SOX5: variants seen among roughly 807,000 people sequenced by gnomAD.
The protein encoded by SOX5 is SRY-box transcription factor 5, also known as transcription factor SOX-5.
Under a neutral mutation model 92.0 loss-of-function variants are expected in SOX5, and 9 were observed. The ratio of observed to expected loss-of-function variants is 0.10; its 90% CI spans 0.06 to 0.17. The LOEUF is 0.17. Among genes scored for constraint, SOX5 ranks in the 10% least tolerant of loss-of-function variants. The probability of loss-of-function intolerance (pLI) is 1.00; values close to 1 mark genes in which losing one functional copy is unlikely to be tolerated. For missense variants in SOX5, 642 were observed against 944.5 expected (o/e 0.68, Z 4.20); for synonymous variants, 344 against 336.3 (o/e 1.02, Z -0.25).
At chr12:24,144,337 T>C (rs546990486) in intron 4 of SOX5, among the ~76,000 whole-genome samples, 2 of 152,094 alleles carry the variant, frequency 1.3e-5, no homozygotes, top group Non-Finnish European at 2.9e-5. Flanking sequence ...ACATACCAAA[T>C]GAAAATAGGG....
intron 2 of SOX5, among the ~76,000 whole-genome samples, chr12:24,355,306 T>TAA (rs1331333137): frequency 1.5e-5 from 1 of 67,328 alleles, no homozygotes; most frequent in Non-Finnish European, 4.2e-5. Flanking sequence ...TTTTTTTTTT[T>TAA]TTTTTTTTTT....
intron 1 of SOX5, among the ~76,000 whole-genome samples, chr12:24,412,180 T>A (rs1268801887): frequency 2.0e-5 from 3 of 152,204 alleles, no homozygotes; most frequent in Non-Finnish European, 4.4e-5. Flanking sequence ...ACTTGTGTTT[T>A]TTCTGTTTTT....
chr12:24,102,845 G>C (rs974689561), intron 4 of SOX5, among the ~76,000 whole-genome samples: 1 of 152,202 alleles, frequency 6.6e-6, no homozygotes, highest in Non-Finnish European at 1.5e-5. Context: ...TATTATGTTA[G>C]AGACTCTAAT....
At chr12:24,266,291 C>CAT (rs1943014536) in intron 3 of SOX5, among the ~76,000 whole-genome samples, 1 of 152,078 alleles carries the variant, frequency 6.6e-6, no homozygotes, top group African/African-American at 2.4e-5. Flanking sequence ...TATAAACGTG[C>CAT]ATATATGTAT....
intron 4 of SOX5, among the ~76,000 whole-genome samples, chr12:24,153,965 A>G (rs1951913001): frequency 6.6e-6 from 1 of 152,128 alleles, no homozygotes; most frequent in Non-Finnish European, 1.5e-5. Flanking sequence ...GTCTCTCTCT[A>G]GAAGTAAATT....
intron 1 of SOX5, among the ~76,000 whole-genome samples, chr12:24,484,812 C>T (rs1474929130): frequency 1.3e-5 from 2 of 152,102 alleles, no homozygotes; most frequent in African/African-American, 2.4e-5. Flanking sequence ...TTCTTCTCAA[C>T]CCCTGTTTTG....
intron 6 of SOX5, among the ~76,000 whole-genome samples, chr12:23,687,812 G>A (rs1314250559): frequency 6.6e-6 from 1 of 151,638 alleles, no homozygotes; most frequent in South Asian, 2.1e-4. Flanking sequence ...CTCTACAATG[G>A]CTGCAACGAA....
At chr12:24,552,750 A>G (rs542237250) in intron 1 of SOX5, among the ~76,000 whole-genome samples, 3 of 152,362 alleles carry the variant, frequency 2.0e-5, no homozygotes, top group African/African-American at 4.8e-5. Flanking sequence ...CTGTAATCCC[A>G]ACACTTTGGG....
At chr12:23,996,530 A>T (rs562666164) in intron 4 of SOX5, among the ~76,000 whole-genome samples, 2 of 152,356 alleles carry the variant, frequency 1.3e-5, no homozygotes, top group South Asian at 4.1e-4. Flanking sequence ...AGCACTATTC[A>T]TAATAGACAA....
intron 4 of SOX5, among the ~76,000 whole-genome samples, chr12:24,157,977 G>T (rs898439394): frequency 6.6e-6 from 1 of 151,950 alleles, no homozygotes; most frequent in Non-Finnish European, 1.5e-5. Flanking sequence ...CTATTTCAGA[G>T]TACCTCATTT....
chr12:24,266,034 ATG>A (rs59696898), intron 3 of SOX5, among the ~76,000 whole-genome samples: 20,770 of 127,132 alleles, frequency 0.16, 1,690 homozygotes, highest in Non-Finnish European at 0.21. Context: ...ATGCCAGCTA[ATG>A]TGTGTGTGTG....
At chr12:23,868,602 AACTT>A (rs2136678173) in intron 2 of SOX5, among the ~76,000 whole-genome samples, 1 of 152,228 alleles carries the variant, frequency 6.6e-6, no homozygotes, top group East Asian at 1.9e-4. Flanking sequence ...TAATTCACAG[AACTT>A]ACTTGACAAT....
At chr12:23,574,238 A>G (rs1387722380) in intron 10 of SOX5, among the ~76,000 whole-genome samples, 3 of 152,118 alleles carry the variant, frequency 2.0e-5, no homozygotes, top group African/African-American at 7.2e-5. Flanking sequence ...CCTGAGTTCA[A>G]CCACCTCATC....
At chr12:24,330,585 C>T (rs1013773441) in intron 2 of SOX5, among the ~76,000 whole-genome samples, 14 of 152,192 alleles carry the variant, frequency 9.2e-5, no homozygotes, top group Non-Finnish European at 1.9e-4. Flanking sequence ...ACTAGAGAGC[C>T]TATTTCCAAA....
chr12:24,146,017 A>G (rs1205832049), intron 4 of SOX5, among the ~76,000 whole-genome samples: 2 of 152,210 alleles, frequency 1.3e-5, no homozygotes, highest in Non-Finnish European at 2.9e-5. Flanking sequence ...CACAAGAAGA[A>G]AAATAGAAAA....
intron 6 of SOX5, among the ~76,000 whole-genome samples, chr12:23,687,798 C>A (rs117919005): frequency 0.018 from 2,696 of 152,008 alleles, 24 homozygotes; most frequent in Non-Finnish European, 0.027. Context: ...CCACATATGA[C>A]CATCTCTACA....
At chr12:23,825,717 A>G (rs1333097154) in intron 3 of SOX5, among the ~76,000 whole-genome samples, 1 of 152,250 alleles carries the variant, frequency 6.6e-6, no homozygotes, top group Non-Finnish European at 1.5e-5. Flanking sequence ...TCAAAACAAC[A>G]AATAGATAAT....
intron 11 of SOX5, among the ~76,000 whole-genome samples, chr12:23,553,027 T>C (rs991264180): frequency 6.6e-6 from 1 of 152,016 alleles, no homozygotes; most frequent in Non-Finnish European, 1.5e-5. Context: ...TCCACTCCAC[T>C]GAAGTCTCTT....
intron 1 of SOX5, among the ~76,000 whole-genome samples, chr12:23,918,585 A>G (rs1029954694): frequency 2.0e-5 from 3 of 152,186 alleles, no homozygotes; most frequent in Non-Finnish European, 4.4e-5. Context: ...ATACTTAACC[A>G]TGCCTTTCAA....
Sources: allele counts gnomAD v4.1 joint callset (sites outside exome capture counted in the v4.1 genomes callset), GRCh38; gene constraint gnomAD v4.1.1; transcripts MANE v1.5; gene names NCBI Gene and HGNC (gene_info 2026-07-23, HGNC 2026-07-21).